The following ZFHX3 variants were observed in gnomAD, a reference collection of about 807,000 sequenced individuals.
The protein encoded by ZFHX3 is zinc finger homeobox protein 3.
Under a neutral mutation model 279.1 loss-of-function variants are expected in ZFHX3, and 42 were observed. That is an observed-to-expected ratio of 0.15 (90% confidence interval 0.12 to 0.19). The LOEUF (loss-of-function observed/expected upper bound fraction) is 0.19, where lower values mean the gene tolerates loss of function less well. ZFHX3 is among the 10% of genes least tolerant of loss of function. The pLI, the probability that ZFHX3 is intolerant of heterozygous loss-of-function variation, is 1.00. For missense variants in ZFHX3, 4,981 were observed against 4,754.0 expected (o/e 1.05, Z -1.40); for synonymous variants, 2,293 against 1,957.8 (o/e 1.17, Z -4.52).
At chr16:73,447,009 T>G (rs991755939) in intron 3 of ZFHX3, among the ~76,000 whole-genome samples, 4 of 151,408 alleles carry the variant, frequency 2.6e-5, no homozygotes, top group Non-Finnish European at 4.4e-5. Flanking sequence ...TGAAACACCA[T>G]CTCTACTAAA....
Position 72,793,999 on chromosome 16 carries a change from C to T in ZFHX3, c.8683G>A (p.Val2895Ile). ...CTATAAAAGCTCGGGGCCGGGCTGA[C>T]CAGACCAGATGACAACCGATCTTCA... is the stretch of plus-strand genomic sequence containing the variant. ...EYEDRLSSGLVSPAPSFYSKE... is the reference protein window; with the variant it reads ...EYEDRLSSGLISPAPSFYSKE... Residue 2895 changes from valine to isoleucine, a missense_variant, in exon 9 of 10, where the codon GTC (valine) becomes ATC (isoleucine). By Grantham distance (29) the Val-to-Ile change is conservative. Coordinates refer to ENST00000268489, the MANE Select transcript of ZFHX3 (RefSeq NM_006885.4). This position sits in a 1 kb window ranked among gnomAD's most constrained non-coding sequence, Gnocchi z 4.3. The T allele has an allele frequency of 6.2e-7, 1 of 1,614,220 alleles. No individual in the cohort carries two copies. The highest frequency in any genetic ancestry group is 8.5e-7 in the Non-Finnish European group (1 of 1,180,034).
intron 4 of ZFHX3, among the ~76,000 whole-genome samples, chr16:72,872,860 G>A (rs991054051): frequency 7.2e-5 from 11 of 152,202 alleles, no homozygotes; most frequent in African/African-American, 2.7e-4. Context: ...TCCGAAAGAT[G>A]GAAGAAAATG....
chr16:73,868,739 T>A (rs1312958681), intron 1 of ZFHX3, among the ~76,000 whole-genome samples: 1 of 152,162 alleles, frequency 6.6e-6, no homozygotes, highest in Non-Finnish European at 1.5e-5. Context: ...AGTGCAAAAT[T>A]ACTAAGTGTA....
intron 5 of ZFHX3, among the ~76,000 whole-genome samples, chr16:73,215,808 T>A (rs1318952007): frequency 6.6e-6 from 1 of 152,224 alleles, no homozygotes; most frequent in Non-Finnish European, 1.5e-5. Context: ...CCTCATTGTG[T>A]TGGTCTGTTG....
At chr16:73,090,741 A>C (rs1966064714) in intron 8 of ZFHX3, among the ~76,000 whole-genome samples, 1 of 151,462 alleles carries the variant, frequency 6.6e-6, no homozygotes, top group East Asian at 1.9e-4. Flanking sequence ...AAAAAAAACA[A>C]AACAAAAAAC....
chr16:73,202,895 CT>C (rs1197239519), intron 5 of ZFHX3, among the ~76,000 whole-genome samples: 1 of 116,650 alleles, frequency 8.6e-6, no homozygotes, highest in Non-Finnish European at 1.6e-5. Flanking sequence ...AAGGCTTCAT[CT>C]TTCTTTCTTT....
chr16:72,921,069 CAAAAAAAAAAAAAAAA>C (rs57294537), intron 3 of ZFHX3, among the ~76,000 whole-genome samples: 1 of 23,572 alleles, frequency 4.2e-5, no homozygotes, highest in Non-Finnish European at 8.0e-5. Context: ...CAGACCTTGT[CAAAAAAAAAAAAAAAA>C]AAAAAAAAAA....
At position 72,797,449 on chromosome 16, in the gene ZFHX3, G is replaced by C. The variant is rs766908322; in HGVS notation, c.5233C>G (p.Leu1745Val). ...TGAACTTGAGCCTGGGCCTGGGCCA[G>C]CGTTTGTGCTTGTTGTTGTTGTTGT... The part of the protein sequence containing the change: ...QQQQQQQAQT[L>V]AQAQAQVQAH... The change falls in exon 9 of 10, where the codon CTG becomes GTG. Residue 1745 changes from leucine to valine, a missense_variant. Transcript: ENST00000268489. 2.5e-6 allele frequency: 4 copies of C among 1,613,590 alleles called. No individual in the cohort carries two copies. The highest frequency in any genetic ancestry group is 3.4e-6 in the Non-Finnish European group (4 of 1,179,834).
chr16:73,695,383 C>A (rs1412067697), intron 1 of ZFHX3, among the ~76,000 whole-genome samples: 1 of 151,944 alleles, frequency 6.6e-6, no homozygotes, highest in Non-Finnish European at 1.5e-5. Context: ...ATTATAGGCA[C>A]CCAGCTGGCT....
At chr16:73,494,256 TA>T (rs2019099815) in intron 2 of ZFHX3, among the ~76,000 whole-genome samples, 1 of 152,228 alleles carries the variant, frequency 6.6e-6, no homozygotes. Flanking sequence ...AGCGGTTTGC[TA>T]GCTGGTTTAC....
chr16:73,488,575 G>A (rs1385229270), intron 2 of ZFHX3, among the ~76,000 whole-genome samples: 1 of 152,164 alleles, frequency 6.6e-6, no homozygotes, highest in Admixed American at 6.5e-5. Flanking sequence ...AATAAACACT[G>A]GGGATGGGGG....
intron 5 of ZFHX3, among the ~76,000 whole-genome samples, chr16:73,166,934 AACACAACACG>A (rs1231596782): frequency 6.6e-6 from 1 of 152,206 alleles, no homozygotes; most frequent in African/African-American, 2.4e-5. Context: ...TGTCATTGAC[AACACAACACG>A]ACACAACACA....
At chr16:73,419,276 T>C (rs918808829) in intron 3 of ZFHX3, among the ~76,000 whole-genome samples, 1 of 152,154 alleles carries the variant, frequency 6.6e-6, no homozygotes, top group Non-Finnish European at 1.5e-5. Context: ...TGCAATGAGG[T>C]AGCTATTATT....
At chr16:72,841,368 G>A (rs1275200093) in intron 4 of ZFHX3, among the ~76,000 whole-genome samples, 4 of 152,194 alleles carry the variant, frequency 2.6e-5, no homozygotes, top group African/African-American at 7.2e-5. Flanking sequence ...AAAGGTTTAC[G>A]TTCAAGAGCT....
At position 73,774,596 on chromosome 16, in the gene ZFHX3, C is replaced by T. The variant is rs138644653; in HGVS notation, c.-1607-94356G>A. On this transcript the variant is annotated intron_variant, in intron 1 of 17. Transcript: ENST00000641206. ...ACAAATATGCTTGTCTATGCACCCC[C>T]CAAAGATGGTGCCATTTGTAAGGCA... 3.9e-5 allele frequency among the ~76,000 whole-genome samples: 6 copies of T among 152,316 alleles called. No individual in the cohort carries two copies. The East Asian group carries it at 1.2e-3, about 29-fold the overall frequency.
chr16:73,614,547 G>A (rs2052279535), intron 2 of ZFHX3, among the ~76,000 whole-genome samples: 1 of 152,242 alleles, frequency 6.6e-6, no homozygotes, highest in South Asian at 2.1e-4. Context: ...ACACTGAAGG[G>A]AATACATGTC....
At chr16:73,428,871 G>A (rs889694991) in intron 3 of ZFHX3, among the ~76,000 whole-genome samples, 16 of 152,082 alleles carry the variant, frequency 1.1e-4, no homozygotes, top group African/African-American at 2.9e-4. Context: ...TCTCTATTGC[G>A]TTCTTCCCGT....
At chr16:73,516,215 G>A (rs1478610434) in intron 2 of ZFHX3, among the ~76,000 whole-genome samples, 1 of 152,164 alleles carries the variant, frequency 6.6e-6, no homozygotes, top group Non-Finnish European at 1.5e-5. Context: ...ACACTAAATC[G>A]CCTCTTAGAG....
chr16:72,958,307 A>G lies in ZFHX3; in HGVS notation c.1839T>C (p.Asp613=), dbSNP rs568865009. The G allele has an allele frequency of 2.4e-5, 38 of 1,614,010 alleles. No homozygotes were observed. In the Admixed American group the frequency reaches 2.5e-4, roughly 11 times the overall value. The stretch of plus-strand genomic sequence containing the variant: ...GCTGGTGATGGGGAACGAAGCCCCC[A>G]TCGTCACCCTCTGTGCTTTCATTTG... ...PEPNESTEGD[D]GGFVPHHQHA... Residue 613 remains aspartate (D), a synonymous_variant, in exon 2 of 10, where the codon GAT becomes GAC. Coordinates refer to ENST00000268489, the MANE Select transcript of ZFHX3 (RefSeq NM_006885.4).
Sources: allele counts gnomAD v4.1 joint callset (sites outside exome capture counted in the v4.1 genomes callset), GRCh38; gene constraint gnomAD v4.1.1; non-coding constraint Gnocchi (gnomAD v3.1); transcripts MANE v1.5; gene names NCBI Gene and HGNC (gene_info 2026-07-23, HGNC 2026-07-21).